The following CUX1 variants were observed in gnomAD, a reference collection of about 807,000 sequenced individuals.
The protein encoded by CUX1 is protein CASP.
A neutral mutation model predicts 158.8 loss-of-function variants in CUX1; 31 were observed. That is an observed-to-expected ratio of 0.20 (90% CI 0.15 to 0.26). The LOEUF (loss-of-function observed/expected upper bound fraction) is 0.26, where lower values mean the gene tolerates loss of function less well. Ranked by LOEUF, CUX1 falls within the 10% of genes least tolerant of loss-of-function variation. The probability of loss-of-function intolerance (pLI) is 1.00; values close to 1 mark genes in which losing one functional copy is unlikely to be tolerated. For synonymous variants in CUX1, 879 were observed against 862.1 expected (o/e 1.02, Z -0.34); for missense variants, 1,589 against 2,014.6 (o/e 0.79, Z 4.04).
intron 9 of CUX1, among the ~76,000 whole-genome samples, chr7:102,164,224 C>T (rs948464104): frequency 2.0e-5 from 3 of 152,216 alleles, no homozygotes; most frequent in Non-Finnish European, 4.4e-5. Context: ...AGTGGTGATC[C>T]GAGTTGCTGG....
intron 3 of CUX1, among the ~76,000 whole-genome samples, chr7:102,040,606 C>A (rs1371082678): frequency 1.3e-5 from 2 of 152,208 alleles, no homozygotes; most frequent in African/African-American, 4.8e-5. Context: ...GTTGGGTGAA[C>A]TACAGCAGTC....
chr7:101,901,008 A>G (rs1802084794), intron 1 of CUX1, among the ~76,000 whole-genome samples: 1 of 152,126 alleles, frequency 6.6e-6, no homozygotes, highest in Non-Finnish European at 1.5e-5. Flanking sequence ...CTGTTTATAT[A>G]TCACATAGTT....
rs1795742529 is a variant in CUX1 at position 101,846,760 on chromosome 7, C to A, written c.30+29091C>A. Among the ~76,000 whole-genome samples, 2 of 152,034 alleles carry A rather than the reference C, an allele frequency of 1.3e-5. 1 individual carries two copies. Among genetic ancestry groups the A allele is most frequent in the South Asian group, 4.1e-4 (2 of 4,828 alleles). On this transcript the variant is annotated intron_variant, in intron 1 of 23. Coordinates refer to ENST00000292535, the MANE Select transcript of CUX1 (RefSeq NM_181552.4). ...GCCCCACGGACAGTAGCAATTAAGA[C>A]CAGTTGCTAGCTTGATAGTGGGAGA... is the stretch of plus-strand genomic sequence containing the variant.
rs1346750183 is a variant in CUX1, at chr7:101,869,121, C to T, written c.31-46994C>T. Among the ~76,000 whole-genome samples, 1 of 151,896 alleles carries T rather than the reference C, an allele frequency of 6.6e-6. No individual in the cohort carries two copies. The highest frequency in any genetic ancestry group is 1.5e-5 in the Non-Finnish European group (1 of 68,000). On this transcript the variant is annotated intron_variant, in intron 1 of 23. Transcript: ENST00000292535. This position sits in a 1 kb window ranked among gnomAD's most constrained non-coding sequence, Gnocchi z 4.5. ...CATGGACTTGGGCAGGTAGCAAAGG[C>T]CAGAAGGAGTGGGAGTCATTCCACC...
intron 2 of CUX1, among the ~76,000 whole-genome samples, chr7:101,995,714 G>A (rs1815766003): frequency 6.6e-6 from 1 of 152,206 alleles, no homozygotes; most frequent in South Asian, 2.1e-4. Context: ...TGTCCCATAG[G>A]GGCGTCTGCT....
exon 23 of CUX1, chr7:102,283,550 G>C (rs1554550066): frequency 5.9e-6 from 1 of 170,842 alleles, no homozygotes; most frequent in African/African-American, 2.3e-5. Flanking sequence ...AGCAGGCTTT[G>C]AGTCCAGCAC....
chr7:102,254,056 G>T lies in CUX1; in HGVS notation c.*5014G>T, dbSNP rs112759201. 1 of 985,374 alleles carries T rather than the reference G, an allele frequency of 1.0e-6. No homozygotes were observed. The highest frequency in any genetic ancestry group is 1.7e-5 in the African/African-American group (1 of 57,236). 61.0% of individuals were successfully genotyped at this position (985,374 alleles called of 1,614,324 possible). On this transcript the variant is annotated 3_prime_UTR_variant, in exon 24 of 24. Coordinates refer to ENST00000292535, the MANE Select transcript of CUX1 (RefSeq NM_181552.4). ...AGCAGACACGAACATCCCTCTGCCT[G>T]GTGGGCCGGCTTTGTGTGTCTCTCC...
rs1417947334 is a variant in CUX1 at position 101,916,909 on chromosome 7, AG to A, written c.141+685del. Among the ~76,000 whole-genome samples, 3 of 151,186 alleles carry A rather than the reference AG, an allele frequency of 2.0e-5. No homozygotes were observed. The highest frequency in any genetic ancestry group is 2.0e-4 in the Admixed American group (3 of 15,210). On this transcript the variant is annotated intron_variant, in intron 2 of 23. Transcript: ENST00000292535. The surrounding 1 kb of genome is among the most constrained non-coding windows in gnomAD (Gnocchi z 4.4). ...CTTCAACCCTATCAGGGGCTTACTA[AG>A]AAAAAAAAAAAAACATCCAAGCGTG...
Position 102,252,249 on chromosome 7 carries a change from G to C in CUX1, c.*3207G>C, listed in dbSNP as rs911983988. ...GTGGCCAGGGGAGCACCCCCTCCTG[G>C]TTGGGCCCCTCAGTTGGAGTCTAAG... On this transcript the variant is annotated 3_prime_UTR_variant, in exon 24 of 24. Transcript: ENST00000292535. 2 of 985,360 alleles carry C rather than the reference G, an allele frequency of 2.0e-6. No homozygotes were observed. Among genetic ancestry groups the C allele is most frequent in the Non-Finnish European group, 1.2e-6 (1 of 829,972 alleles). The allele number at this position is 985,360 out of a possible 1,614,324, so 61.0% of individuals were successfully genotyped here. A position where few individuals can be genotyped will look rare whatever the true frequency, so the allele number is the denominator to read the frequency against.
intron 3 of CUX1, among the ~76,000 whole-genome samples, chr7:102,050,046 C>T (rs1046550220): frequency 6.6e-5 from 10 of 152,152 alleles, no homozygotes; most frequent in African/African-American, 1.2e-4. Context: ...AGCAGACTCC[C>T]GGGGTGTAGA....
chr7:102,132,328 C>A (rs201272050), intron 8 of CUX1, among the ~76,000 whole-genome samples: 40 of 1,364 alleles, frequency 0.029, 1 homozygote, highest in Non-Finnish European at 0.043. Flanking sequence ...CGCGCGCACG[C>A]CACGCACACA....
intron 1 of CUX1, among the ~76,000 whole-genome samples, chr7:101,855,024 C>G (rs540856669): frequency 1.1e-4 from 16 of 152,244 alleles, no homozygotes; most frequent in Admixed American, 4.6e-4. Context: ...TGTGAGCCAC[C>G]TCGCCCGGCC....
intron 1 of CUX1, among the ~76,000 whole-genome samples, chr7:101,872,391 C>T (rs1203529814): frequency 6.6e-6 from 1 of 152,148 alleles, no homozygotes; most frequent in Non-Finnish European, 1.5e-5. Flanking sequence ...ACCTTGGCCT[C>T]CCAAAGTGTT....
At chr7:101,935,284 T>G (rs546324958) in intron 2 of CUX1, among the ~76,000 whole-genome samples, 1 of 152,166 alleles carries the variant, frequency 6.6e-6, no homozygotes, top group Admixed American at 6.5e-5. Context: ...TAATTTTCCT[T>G]TACCTACCCA....
At chr7:102,173,567 C>T (rs1791966018) in intron 10 of CUX1, among the ~76,000 whole-genome samples, 1 of 152,154 alleles carries the variant, frequency 6.6e-6, no homozygotes, top group South Asian at 2.1e-4. Flanking sequence ...GCCTTCAGGA[C>T]AGGGTCAGCG....
intron 3 of CUX1, among the ~76,000 whole-genome samples, chr7:102,035,035 A>G (rs901031573): frequency 1.3e-5 from 2 of 150,636 alleles, no homozygotes; most frequent in Non-Finnish European, 2.9e-5. Context: ...AAAGGTATTT[A>G]TCAGAAACAT....
chr7:101,904,810 C>A (rs777782140), intron 1 of CUX1, among the ~76,000 whole-genome samples: 1 of 152,142 alleles, frequency 6.6e-6, no homozygotes, highest in East Asian at 1.9e-4. Context: ...CTCAGGTGAT[C>A]CCCCTGCCTT....
chr7:102,154,312 G>A (rs921818502), intron 8 of CUX1: 3 of 152,036 alleles, frequency 2.0e-5, no homozygotes, highest in Non-Finnish European at 4.4e-5. Context: ...ATTCCAGAAA[G>A]AGGAAGTAGA....
chr7:102,029,229 GTGATCC>G (rs1015551086), intron 3 of CUX1, among the ~76,000 whole-genome samples: 16 of 152,106 alleles, frequency 1.1e-4, no homozygotes, highest in African/African-American at 3.6e-4. Flanking sequence ...CTGACCTCAG[GTGATCC>G]ACCTGCTTTG....
Sources: allele counts gnomAD v4.1 joint callset (sites outside exome capture counted in the v4.1 genomes callset), GRCh38; gene constraint gnomAD v4.1.1; non-coding constraint Gnocchi (gnomAD v3.1); transcripts MANE v1.5; gene names NCBI Gene and HGNC (gene_info 2026-07-23, HGNC 2026-07-21).